Variants in RNF19A observed in about 807,000 individuals in gnomAD.
RNF19A encodes E3 ubiquitin-protein ligase RNF19A.
In RNF19A, 32 loss-of-function variants were observed where a neutral mutation model predicts 75.7. That is an observed-to-expected ratio of 0.42 (90% confidence interval 0.32 to 0.57). The LOEUF is 0.57. Among genes scored for constraint, RNF19A ranks in the 20% least tolerant of loss-of-function variants. The pLI is 0.10. For missense variants in RNF19A, 782 were observed against 1,036.3 expected (o/e 0.75, Z 3.37); for synonymous variants, 335 against 345.2 (o/e 0.97, Z 0.33).
intron 1 of RNF19A, among the ~76,000 whole-genome samples, chr8:100,288,929 G>A (rs767128550): frequency 1.4e-4 from 22 of 151,952 alleles, no homozygotes; most frequent in Non-Finnish European, 3.1e-4. Flanking sequence ...GTGTGGTGGC[G>A]GGCCCCTGTA....
intron 5 of RNF19A, among the ~76,000 whole-genome samples, chr8:100,266,338 G>A (rs1819975611): frequency 6.6e-6 from 1 of 152,122 alleles, no homozygotes; most frequent in Admixed American, 6.5e-5. Flanking sequence ...TGTACCCTAT[G>A]ACCTGAACAA....
Position 100,288,113 on chromosome 8 carries a change from T to A in RNF19A, c.62A>T (p.Asp21Val). ...AATGCTTGTTAGAATTGAGACAGGGTCAGTGTTTACACACAGCCCTTCATT... is the reference window on the plus strand; with the variant it reads ...AATGCTTGTTAGAATTGAGACAGGGACAGTGTTTACACACAGCCCTTCATT... ...KYNEGLCVNT[D>V]PVSILTSILD... Residue 21 changes from aspartate to valine, a missense_variant, in exon 2 of 10, where the codon GAC becomes GTC. By Grantham distance (152) the Asp-to-Val change is radical (BLOSUM62 -3). This residue lies in a region of RNF19A where 148 missense variants were observed against 147.9 expected (regional missense o/e 1.00). Coordinates refer to ENST00000341084, the MANE Select transcript of RNF19A (RefSeq NM_183419.4). The A allele has an allele frequency of 6.2e-7, 1 of 1,614,104 alleles. No individual in the cohort carries two copies. The highest frequency in any genetic ancestry group is 8.5e-7 in the Non-Finnish European group (1 of 1,180,006).
At chr8:100,285,367 AT>A (rs1177409021) in intron 2 of RNF19A, among the ~76,000 whole-genome samples, 1 of 152,166 alleles carries the variant, frequency 6.6e-6, no homozygotes, top group Non-Finnish European at 1.5e-5. Flanking sequence ...TATATGTTGA[AT>A]AATCAATTCT....
rs989670474 is a variant in RNF19A at position 100,275,758 on chromosome 8, T to C, written c.675-597A>G. ...TACATTTCTGATTTTCTACAATTAC[T>C]TGTTGAAGTGGAAAAAGTTAAAAGA... On this transcript the variant is annotated intron_variant, in intron 2 of 9. Coordinates refer to ENST00000341084, the MANE Select transcript of RNF19A (RefSeq NM_183419.4). The surrounding 1 kb of genome is among the most constrained non-coding windows in gnomAD (Gnocchi z 4.3). Among the ~76,000 whole-genome samples the C allele has an allele frequency of 6.6e-6, 1 of 152,206 alleles. No individual in the cohort carries two copies. Among genetic ancestry groups the C allele is most frequent in the African/African-American group, 2.4e-5 (1 of 41,456 alleles).
intron 3 of RNF19A, among the ~76,000 whole-genome samples, chr8:100,272,843 C>T (rs1217922253): frequency 7.5e-6 from 1 of 133,454 alleles, no homozygotes; most frequent in East Asian, 2.3e-4. Flanking sequence ...AGCCACTGCG[C>T]CCAGCCCTCA....
upstream of RNF19A, chr8:100,310,156 C>T (rs534999309): frequency 4.1e-6 from 4 of 985,398 alleles, no homozygotes; most frequent in East Asian, 3.4e-4. Flanking sequence ...TTCTTCCTCC[C>T]GCCCCCGGCC....
chr8:100,316,257 G>A (rs1035521170), intron 1 of RNF19A, among the ~76,000 whole-genome samples: 1 of 152,106 alleles, frequency 6.6e-6, no homozygotes, highest in Non-Finnish European at 1.5e-5. Flanking sequence ...GAGTGTTACA[G>A]CTCATAAAAG....
Position 100,257,758 on chromosome 8 carries a change from C to G in RNF19A, c.*798G>C, listed in dbSNP as rs1485993377. On this transcript the variant is annotated 3_prime_UTR_variant, in exon 10 of 10. Transcript: ENST00000341084. The stretch of plus-strand genomic sequence containing the variant: ...AAAACCCAGTCGATCCCAAAGGCAC[C>G]AAGAATCAATGGGGTACAAACTTCC... 2 of 355,844 alleles carry G rather than the reference C, an allele frequency of 5.6e-6. No homozygotes were observed. The highest frequency in any genetic ancestry group is 1.0e-5 in the Non-Finnish European group (2 of 199,552). The allele number at this position is 355,844 out of a possible 1,614,324, so 22.0% of individuals were successfully genotyped here. A position where few individuals can be genotyped will look rare whatever the true frequency, so the allele number is the denominator to read the frequency against.
chr8:100,259,769 CT>C lies in RNF19A; in HGVS notation c.1826+84del, dbSNP rs1819626191. On this transcript the variant is annotated intron_variant, in intron 9 of 9. Coordinates refer to ENST00000341084, the MANE Select transcript of RNF19A (RefSeq NM_183419.4). The surrounding 1 kb of genome is among the most constrained non-coding windows in gnomAD (Gnocchi z 4.5). The stretch of plus-strand genomic sequence containing the variant: ...CAGAGAACTTAATAGTTGGTAGCCA[CT>C]TTTCACTGGTAATTTGTCTAATGAT... 7.9e-7 allele frequency: 1 copy of C among 1,272,398 alleles called. No individual in the cohort carries two copies. Among genetic ancestry groups the C allele is most frequent in the East Asian group, 2.5e-5 (1 of 39,610 alleles). 78.8% of individuals were successfully genotyped at this position (1,272,398 alleles called of 1,614,324 possible).
chr8:100,295,296 T>C (rs934047757), intron 1 of RNF19A, among the ~76,000 whole-genome samples: 2 of 152,212 alleles, frequency 1.3e-5, no homozygotes, highest in African/African-American at 4.8e-5. Flanking sequence ...TTCTTCCTAG[T>C]AGACTTTAGA....
At position 100,333,324 on chromosome 8, in the gene RNF19A, GTATTA is replaced by G. The variant is rs1325543814; in HGVS notation, c.-243+2779_-243+2783del. On this transcript the variant is annotated intron_variant, in intron 1 of 3. Coordinates refer to the RNF19A transcript ENST00000519527. The surrounding 1 kb of genome is among the most constrained non-coding windows in gnomAD (Gnocchi z 4.7). The stretch of plus-strand genomic sequence containing the variant: ...TTGTTTAACAATTACCCAGTCTGAG[GTATTA>G]TATTATAGCAGCACAAAATGGACTA... Among the ~76,000 whole-genome samples the G allele has an allele frequency of 3.9e-5, 6 of 152,190 alleles. 1 individual carries two copies. The highest frequency in any genetic ancestry group is 3.9e-4 in the Admixed American group (6 of 15,280).
intron 4 of RNF19A, 50 bp from the exon 5 acceptor site, chr8:100,268,997 AC>A (rs1237466128): frequency 7.0e-7 from 1 of 1,432,264 alleles, no homozygotes. Flanking sequence ...CACCACAATA[AC>A]AAATTAGTGC....
At chr8:100,319,965 A>G (rs934731886) in intron 1 of RNF19A, among the ~76,000 whole-genome samples, 7 of 149,200 alleles carry the variant, frequency 4.7e-5, no homozygotes, top group Admixed American at 3.4e-4. Flanking sequence ...CCTCCCAAGT[A>G]GCTGGGATTA....
chr8:100,305,843 C>A (rs886588534), intron 1 of RNF19A, among the ~76,000 whole-genome samples: 1 of 152,262 alleles, frequency 6.6e-6, no homozygotes, highest in South Asian at 2.1e-4. Flanking sequence ...ATTTAGGATA[C>A]CTTACCATTT....
chr8:100,263,348 C>T (rs1188659233), intron 7 of RNF19A, among the ~76,000 whole-genome samples: 1 of 152,084 alleles, frequency 6.6e-6, no homozygotes, highest in Non-Finnish European at 1.5e-5. Context: ...AAGATGAGGA[C>T]CAAGACCTGA....
rs924665718 is a variant in RNF19A at position 100,268,966 on chromosome 8, A to C, written c.1029-19T>G. On this transcript the variant is annotated intron_variant, in intron 4 of 9. Transcript: ENST00000341084. ...TGATGGACTAACGGAAAAAATTATAATGTAAATAACTGCTGCAAAACACCA... is the reference window on the plus strand; with the variant it reads ...TGATGGACTAACGGAAAAAATTATACTGTAAATAACTGCTGCAAAACACCA... The C allele has an allele frequency of 2.6e-6, 4 of 1,563,718 alleles. No individual in the cohort carries two copies. Among genetic ancestry groups the C allele is most frequent in the East Asian group, 2.3e-5 (1 of 42,844 alleles).
chr8:100,278,520 T>G (rs1413944057), intron 2 of RNF19A, among the ~76,000 whole-genome samples: 1 of 152,192 alleles, frequency 6.6e-6, no homozygotes, highest in Non-Finnish European at 1.5e-5. Context: ...AGGTACATGC[T>G]TAACTTTCAA....
At chr8:100,318,207 C>G (rs377277282) in intron 1 of RNF19A, among the ~76,000 whole-genome samples, 2 of 152,242 alleles carry the variant, frequency 1.3e-5, no homozygotes, top group African/African-American at 4.8e-5. Context: ...TTTATTATCC[C>G]CATTTGTTTT....
Position 100,258,237 on chromosome 8 carries a change from T to C in RNF19A, c.*319A>G, listed in dbSNP as rs1819542907. 2.4e-6 allele frequency: 1 copy of C among 424,108 alleles called. No homozygotes were observed. The highest frequency in any genetic ancestry group is 9.1e-5 in the South Asian group (1 of 11,034). The allele number at this position is 424,108 out of a possible 1,614,324, so 26.3% of individuals were successfully genotyped here. A position where few individuals can be genotyped will look rare whatever the true frequency, so the allele number is the denominator to read the frequency against. ...AATGCTGTAGAATTGCATTAGTATT[T>C]TATATTGATTATATAAATTAAGACC... On this transcript the variant is annotated 3_prime_UTR_variant, in exon 10 of 10. Coordinates refer to ENST00000341084, the MANE Select transcript of RNF19A (RefSeq NM_183419.4). The surrounding 1 kb of genome is among the most constrained non-coding windows in gnomAD (Gnocchi z 4.3).
Sources: gnomAD v4.1 joint callset for allele counts (sites outside exome capture counted in the v4.1 genomes callset) on GRCh38, gnomAD v4.1.1 for gene constraint, gnomAD v4.1.1 regional missense constraint, Gnocchi (gnomAD v3.1) non-coding constraint, MANE v1.5 for transcripts, NCBI Gene and HGNC (gene_info 2026-07-23, HGNC 2026-07-21) for gene names.